ZNF148: variants seen among roughly 807,000 people sequenced by gnomAD.
ZNF148 encodes zinc finger protein 148.
A neutral mutation model predicts 67.7 loss-of-function variants in ZNF148; 7 were observed. That is an observed-to-expected ratio of 0.10 (90% CI 0.06 to 0.19). The LOEUF (loss-of-function observed/expected upper bound fraction) is 0.19, where lower values mean the gene tolerates loss of function less well. ZNF148 is among the 10% of genes least tolerant of loss of function. The probability of loss-of-function intolerance (pLI) is 1.00; values close to 1 mark genes in which losing one functional copy is unlikely to be tolerated. For missense variants in ZNF148, 583 were observed against 947.1 expected (o/e 0.62, Z 5.05); for synonymous variants, 333 against 330.7 (o/e 1.01, Z -0.08).
At chr3:125,309,405 T>C (rs997640438) in intron 4 of ZNF148, among the ~76,000 whole-genome samples, 2 of 152,056 alleles carry the variant, frequency 1.3e-5, no homozygotes, top group African/African-American at 4.8e-5. Context: ...GTTACCATAA[T>C]GAAAAATCAC....
In ZNF148 at chr3:125,314,168, A is replaced by C. The variant is rs544492032; in HGVS notation, c.-16-512T>G. Among the ~76,000 whole-genome samples the C allele has an allele frequency of 2.0e-4, 31 of 152,264 alleles. No individual in the cohort carries two copies. In the South Asian group the frequency reaches 6.4e-3, roughly 32 times the overall value. On this transcript the variant is annotated intron_variant, in intron 3 of 8. Coordinates refer to ENST00000360647, the MANE Select transcript of ZNF148 (RefSeq NM_021964.3). ...TCTACCAAACTGATAATGACTCTTAAAAAATACATCCAATGTTGAAGTATT... is the reference window on the plus strand; with the variant it reads ...TCTACCAAACTGATAATGACTCTTACAAAATACATCCAATGTTGAAGTATT...
rs34560368 is a variant in ZNF148 at position 125,276,408 on chromosome 3, TTTTATTTA to T, written c.667+1310_667+1317del. Among the ~76,000 whole-genome samples the T allele has an allele frequency of 2.5e-3, 384 of 151,662 alleles. 2 individuals are homozygous for T. The highest frequency in any genetic ancestry group is 4.6e-3 in the Non-Finnish European group (310 of 67,880). ...ATACAGACATGTTGCACAGTTAAAG[TTTTATTTA>T]TTTATTTATTTATTTATTTTATTTA... On this transcript the variant is annotated intron_variant, in intron 7 of 8. Transcript: ENST00000360647.
chr3:125,303,778 C>T (rs1162829711), intron 4 of ZNF148, among the ~76,000 whole-genome samples: 2 of 151,900 alleles, frequency 1.3e-5, no homozygotes, highest in Non-Finnish European at 2.9e-5. Context: ...CATCCTGAAA[C>T]CATCTCCACC....
At chr3:125,312,188 T>C in intron 4 of ZNF148, among the ~76,000 whole-genome samples, 1 of 152,102 alleles carries the variant, frequency 6.6e-6, no homozygotes, top group East Asian at 1.9e-4. Flanking sequence ...ATCCTCAAAA[T>C]ATGATCAAAT....
intron 7 of ZNF148, among the ~76,000 whole-genome samples, chr3:125,235,723 G>A (rs925787462): frequency 6.6e-6 from 1 of 151,926 alleles, no homozygotes; most frequent in African/African-American, 2.4e-5. Flanking sequence ...ACGATAGACT[G>A]GATTAAGAAA....
At chr3:125,352,488 G>A (rs1345189529) in intron 1 of ZNF148, among the ~76,000 whole-genome samples, 1 of 152,018 alleles carries the variant, frequency 6.6e-6, no homozygotes, top group Non-Finnish European at 1.5e-5. Context: ...TCTGTACACT[G>A]AAAACAACTG....
At chr3:125,255,382 G>A (rs1937030570) in intron 7 of ZNF148, among the ~76,000 whole-genome samples, 1 of 151,396 alleles carries the variant, frequency 6.6e-6, no homozygotes, top group Non-Finnish European at 1.5e-5. Flanking sequence ...AAGTAGCTAG[G>A]ATTATAGGCA....
chr3:125,253,171 A>G (rs917760860), intron 7 of ZNF148, among the ~76,000 whole-genome samples: 3 of 152,126 alleles, frequency 2.0e-5, no homozygotes, highest in Non-Finnish European at 4.4e-5. Flanking sequence ...AAGTTTTTTC[A>G]TATCTCTTTA....
chr3:125,347,754 C>T (rs1482598045), intron 1 of ZNF148, among the ~76,000 whole-genome samples: 2 of 151,950 alleles, frequency 1.3e-5, no homozygotes, highest in Non-Finnish European at 1.5e-5. Flanking sequence ...TGGACTCGAA[C>T]TCCTGGGCTC....
chr3:125,247,863 A>T (rs1936669348), intron 7 of ZNF148, among the ~76,000 whole-genome samples: 1 of 152,234 alleles, frequency 6.6e-6, no homozygotes. Context: ...CCTATGCACA[A>T]ATTAAAGATC....
At chr3:125,237,440 T>C (rs749877666) in intron 7 of ZNF148, among the ~76,000 whole-genome samples, 2 of 151,852 alleles carry the variant, frequency 1.3e-5, no homozygotes, top group Admixed American at 6.6e-5. Flanking sequence ...AATTTAGCCA[T>C]GTGTGATGGT....
intron 5 of ZNF148, among the ~76,000 whole-genome samples, chr3:125,285,785 C>A (rs1938624492): frequency 6.6e-6 from 1 of 152,146 alleles, no homozygotes; most frequent in Non-Finnish European, 1.5e-5. Context: ...CTAAAACATT[C>A]TCTTATACGC....
intron 2 of ZNF148, among the ~76,000 whole-genome samples, chr3:125,329,067 T>C (rs949790984): frequency 6.6e-6 from 1 of 151,004 alleles, no homozygotes; most frequent in African/African-American, 2.4e-5. Context: ...ATGATTATAC[T>C]GAATGGGGAA....
chr3:125,373,882 G>C (rs1001043952), intron 1 of ZNF148, among the ~76,000 whole-genome samples: 30 of 152,064 alleles, frequency 2.0e-4, no homozygotes, highest in African/African-American at 6.5e-4. Flanking sequence ...TCTTCCCCCC[G>C]ACCATTAATT....
rs35950048 is a variant in ZNF148, at chr3:125,232,327, CTTT to C, written c.*11_*13del. The C allele has an allele frequency of 3.0e-3, 4,367 of 1,444,762 alleles. No individual in the cohort carries two copies. The highest frequency in any genetic ancestry group is 7.5e-3 in the South Asian group (577 of 76,586). 89.5% of individuals were successfully genotyped at this position (1,444,762 alleles called of 1,614,324 possible). The stretch of plus-strand genomic sequence containing the variant: ...TTCTAAAGTGCCAGTATTATTTACA[CTTT>C]TTTTTTTTTTTTAGCCAAAAGTCTG... On this transcript the variant is annotated 3_prime_UTR_variant, in exon 9 of 9. Coordinates refer to ENST00000360647, the MANE Select transcript of ZNF148 (RefSeq NM_021964.3). This position sits in a 1 kb window ranked among gnomAD's most constrained non-coding sequence, Gnocchi z 4.2.
intron 3 of ZNF148, among the ~76,000 whole-genome samples, chr3:125,314,477 T>C (rs1643612958): frequency 6.6e-6 from 1 of 152,186 alleles, no homozygotes; most frequent in South Asian, 2.1e-4. Flanking sequence ...AATGACCAAC[T>C]TTGATCATAG....
intron 1 of ZNF148, among the ~76,000 whole-genome samples, chr3:125,360,754 AG>A: frequency 6.6e-6 from 1 of 151,730 alleles, no homozygotes; most frequent in South Asian, 2.1e-4. Context: ...CAAGGAGGGA[AG>A]ATCGCTTGAG....
chr3:125,368,997 C>T (rs1411109266), intron 1 of ZNF148, among the ~76,000 whole-genome samples: 3 of 150,408 alleles, frequency 2.0e-5, no homozygotes, highest in Non-Finnish European at 4.4e-5. Flanking sequence ...CGCAGTGGCT[C>T]ACACCTGTAA....
chr3:125,370,138 T>TGGTTTA lies in ZNF148; in HGVS notation c.-234+4963_-234+4964insTAAACC, dbSNP rs575011444. Among the ~76,000 whole-genome samples, 390 of 152,298 alleles carry TGGTTTA rather than the reference T, an allele frequency of 2.6e-3. 1 individual carries two copies. The highest frequency in any genetic ancestry group is 9.0e-3 in the African/African-American group (374 of 41,560). Reference sequence around the variant, plus strand: ...AATCTAAATTAAACCAGCACCCTGCTACAGACCAGATTTTACTCCAGATTA... The same window carrying TGGTTTA: ...AATCTAAATTAAACCAGCACCCTGCTGGTTTAACAGACCAGATTTTACTCCAGATTA... On this transcript the variant is annotated intron_variant, in intron 1 of 8. Coordinates refer to ENST00000360647, the MANE Select transcript of ZNF148 (RefSeq NM_021964.3).
Sources: allele counts gnomAD v4.1 joint callset (sites outside exome capture counted in the v4.1 genomes callset), GRCh38; gene constraint gnomAD v4.1.1; non-coding constraint Gnocchi (gnomAD v3.1); transcripts MANE v1.5; gene names NCBI Gene and HGNC (gene_info 2026-07-23, HGNC 2026-07-21).